The following TBL1X variants were observed in gnomAD, a reference collection of about 807,000 sequenced individuals.
The protein encoded by TBL1X is F-box-like/WD repeat-containing protein TBL1X.
In TBL1X, 10 loss-of-function variants were observed where a neutral mutation model predicts 50.7. The ratio of observed to expected loss-of-function variants is 0.20; its 90% CI spans 0.12 to 0.33. The LOEUF (loss-of-function observed/expected upper bound fraction) is 0.33, where lower values mean the gene tolerates loss of function less well. Ranked by LOEUF, TBL1X falls within the 10% of genes least tolerant of loss-of-function variation. The probability of loss-of-function intolerance (pLI) is 1.00; values close to 1 mark genes in which losing one functional copy is unlikely to be tolerated. For missense variants in TBL1X, 340 were observed against 504.4 expected (o/e 0.67, Z 3.12); for synonymous variants, 190 against 214.7 (o/e 0.88, Z 1.01).
chrX:9,467,496 T>C (rs2081783654), intron 1 of TBL1X, among the ~76,000 whole-genome samples: 1 of 111,817 alleles, frequency 8.9e-6, no homozygotes, highest in Non-Finnish European at 1.9e-5. Context: ...CTTTTTTTCC[T>C]CCCTTAGGAA....
intron 2 of TBL1X, among the ~76,000 whole-genome samples, chrX:9,635,121 A>G (rs939842154): frequency 4.5e-5 from 5 of 111,346 alleles, no homozygotes; most frequent in Non-Finnish European, 9.4e-5. Flanking sequence ...GGCTGTAGGC[A>G]GGGGGCCTCA....
chrX:9,701,572 A>T (rs1389218600), intron 12 of TBL1X, among the ~76,000 whole-genome samples: 1 of 29,681 alleles, frequency 3.4e-5, no homozygotes, highest in Non-Finnish European at 6.5e-5. Flanking sequence ...GATGAGCTAA[A>T]AAAAAAAAAA....
chrX:9,471,003 T>C (rs1204877648), intron 1 of TBL1X, among the ~76,000 whole-genome samples: 1 of 112,644 alleles, frequency 8.9e-6, no homozygotes, highest in East Asian at 2.8e-4. Context: ...ACTTCATATG[T>C]GAAATGTATC....
At chrX:9,639,089 T>G in intron 2 of TBL1X, among the ~76,000 whole-genome samples, 1 of 111,761 alleles carries the variant, frequency 8.9e-6, no homozygotes, top group Middle Eastern at 4.6e-3. Context: ...ACTTTCATCT[T>G]GAATATCCTT....
intron 2 of TBL1X, among the ~76,000 whole-genome samples, chrX:9,575,467 C>T (rs1467438771): frequency 8.9e-6 from 1 of 111,746 alleles, no homozygotes; most frequent in African/African-American, 3.3e-5. Context: ...AACATAGGGA[C>T]TTTTGTGTTC....
In TBL1X at chrX:9,717,643, C is replaced by T. The variant is rs1309516973; in HGVS notation, c.*1397C>T. 2 of 112,992 alleles carry T rather than the reference C, an allele frequency of 1.8e-5. No homozygotes were observed. Among genetic ancestry groups the T allele is most frequent in the Middle Eastern group, 4.6e-3 (1 of 219 alleles). 9.3% of individuals were successfully genotyped at this position (112,992 alleles called of 1,213,427 possible). ...GCAGAAGCCGTCGAAACCGACTGCTCGGCTGGATTAGGCGTGTTGGCTACA... is the reference window on the plus strand; with the variant it reads ...GCAGAAGCCGTCGAAACCGACTGCTTGGCTGGATTAGGCGTGTTGGCTACA... On this transcript the variant is annotated 3_prime_UTR_variant, in exon 18 of 18. Transcript: ENST00000645353.
intron 3 of TBL1X, among the ~76,000 whole-genome samples, chrX:9,642,638 G>A (rs767627735): frequency 4.6e-4 from 51 of 112,016 alleles, no homozygotes; most frequent in South Asian, 2.6e-3. Context: ...GTCCGTTCTC[G>A]GATGTAGAGG....
chrX:9,579,459 A>G (rs1339248654), intron 2 of TBL1X, among the ~76,000 whole-genome samples: 1 of 112,211 alleles, frequency 8.9e-6, no homozygotes, highest in Non-Finnish European at 1.9e-5. Flanking sequence ...AACCAAAGTA[A>G]TTAGATTGGC....
chrX:9,614,293 T>A (rs927608737), intron 2 of TBL1X, among the ~76,000 whole-genome samples: 1 of 111,394 alleles, frequency 9.0e-6, no homozygotes, highest in Non-Finnish European at 1.9e-5. Flanking sequence ...AGAGGCTGAA[T>A]GTGGTGGCTC....
At chrX:9,554,239 C>G (rs1286434540) in intron 2 of TBL1X, among the ~76,000 whole-genome samples, 1 of 112,427 alleles carries the variant, frequency 8.9e-6, no homozygotes, top group Non-Finnish European at 1.9e-5. Context: ...TATGTGACAA[C>G]AGAAAATTGA....
chrX:9,635,621 C>G (rs145048389), intron 2 of TBL1X, among the ~76,000 whole-genome samples: 4,379 of 111,824 alleles, frequency 0.039, 94 homozygotes, highest in African/African-American at 0.085. Context: ...CTGGCATGCG[C>G]TTGTTGTTGG....
intron 2 of TBL1X, among the ~76,000 whole-genome samples, chrX:9,541,355 A>G (rs1262435677): frequency 1.8e-5 from 2 of 110,930 alleles, no homozygotes; most frequent in African/African-American, 6.6e-5. Context: ...ACATGAAAAC[A>G]CTGGATGGTT....
intron 2 of TBL1X, among the ~76,000 whole-genome samples, chrX:9,541,870 C>G: frequency 9.0e-6 from 1 of 111,045 alleles, no homozygotes; most frequent in South Asian, 3.8e-4. Context: ...ACAACGATCA[C>G]AAACTTCATG....
intron 2 of TBL1X, among the ~76,000 whole-genome samples, chrX:9,524,108 C>G (rs899336801): frequency 9.2e-6 from 1 of 108,818 alleles, no homozygotes; most frequent in African/African-American, 3.4e-5. Context: ...GCTGGGATTA[C>G]AGGCACACGC....
intron 1 of TBL1X, among the ~76,000 whole-genome samples, 161 bp downstream of exon 1, chrX:9,465,608 G>C (rs1411865184): frequency 1.8e-5 from 2 of 112,491 alleles, no homozygotes; most frequent in Non-Finnish European, 3.8e-5. Context: ...AACTGTCCCC[G>C]CGGCGCTCGG....
intron 2 of TBL1X, among the ~76,000 whole-genome samples, chrX:9,599,620 A>C (rs760621639): frequency 8.9e-6 from 1 of 112,274 alleles, no homozygotes; most frequent in Non-Finnish European, 1.9e-5. Flanking sequence ...TACTTCTAGA[A>C]ATGTCCTCTT....
At chrX:9,486,078 A>G (rs1177363972) in intron 1 of TBL1X, among the ~76,000 whole-genome samples, 1 of 110,401 alleles carries the variant, frequency 9.1e-6, no homozygotes, top group Non-Finnish European at 1.9e-5. Context: ...TTTGGAATTC[A>G]TGAACAGCCG....
At position 9,716,402 on chromosome X, in the gene TBL1X, G is replaced by A. The variant is rs958841548; in HGVS notation, c.*156G>A. The A allele has an allele frequency of 2.9e-5, 15 of 521,787 alleles. No homozygotes were observed. Among genetic ancestry groups the A allele is most frequent in the African/African-American group, 4.8e-5 (2 of 41,809 alleles). 43.0% of individuals were successfully genotyped at this position (521,787 alleles called of 1,213,427 possible). A position where few individuals can be genotyped will look rare whatever the true frequency, so the allele number is the denominator to read the frequency against. On this transcript the variant is annotated 3_prime_UTR_variant, in exon 18 of 18. Coordinates refer to ENST00000645353, the MANE Select transcript of TBL1X (RefSeq NM_005647.4). The stretch of plus-strand genomic sequence containing the variant: ...TGGCCGCAGGAGTCTATATGTTTTC[G>A]TAATCTTCATCAAGAAGTTTTTAAA...
At chrX:9,516,381 C>T (rs2082080870) in intron 2 of TBL1X, among the ~76,000 whole-genome samples, 2 of 111,602 alleles carry the variant, frequency 1.8e-5, no homozygotes, top group Non-Finnish European at 3.8e-5. Context: ...GTGGTCCAGC[C>T]CTTTAGAAGA....
Sources: allele counts gnomAD v4.1 joint callset (sites outside exome capture counted in the v4.1 genomes callset), GRCh38; gene constraint gnomAD v4.1.1; transcripts MANE v1.5; gene names NCBI Gene and HGNC (gene_info 2026-07-23, HGNC 2026-07-21).